Variants in DOCK3 observed in about 807,000 individuals in gnomAD.
DOCK3 encodes dedicator of cytokinesis 3.
In DOCK3, 60 loss-of-function variants were observed where a neutral mutation model predicts 265.6. The ratio of observed to expected loss-of-function variants is 0.23; its 90% confidence interval spans 0.18 to 0.28. DOCK3 has a LOEUF of 0.28. Ranked by LOEUF, DOCK3 falls within the 10% of genes least tolerant of loss-of-function variation. The probability of loss-of-function intolerance (pLI) is 1.00; values close to 1 mark genes in which losing one functional copy is unlikely to be tolerated. For synonymous variants in DOCK3, 881 were observed against 938.0 expected, an observed-to-expected ratio of 0.94 and a Z score of 1.11; for missense variants, 1,981 against 2,594.3, an observed-to-expected ratio of 0.76 and a Z score of 5.14.
At chr3:50,847,043 C>G (rs1474075599) in intron 3 of DOCK3, among the ~76,000 whole-genome samples, 1 of 151,642 alleles carries the variant, frequency 6.6e-6, no homozygotes, top group Non-Finnish European at 1.5e-5. Flanking sequence ...TTACTTTGTT[C>G]TTGTTTTTTC....
chr3:51,343,320 A>G (rs1279236123), intron 38 of DOCK3, among the ~76,000 whole-genome samples: 1 of 152,180 alleles, frequency 6.6e-6, no homozygotes, highest in Non-Finnish European at 1.5e-5. Context: ...GAGCTGCCCC[A>G]TAGGGACTGC....
chr3:51,040,490 T>G (rs1559976366), intron 5 of DOCK3, among the ~76,000 whole-genome samples: 2 of 152,174 alleles, frequency 1.3e-5, no homozygotes, highest in Admixed American at 6.5e-5. Context: ...TTTTCTCTAG[T>G]GGAGGGTCTT....
In DOCK3 at chr3:51,139,552, T is replaced by G. The variant is rs544327802; in HGVS notation, c.747-6997T>G. ...TGTCCACCTTTTTTCATTCAATATT[T>G]ATTGAGCACCTATTATAGGGTTGGG... On this transcript the variant is annotated intron_variant, in intron 9 of 52. Transcript: ENST00000266037. Among the ~76,000 whole-genome samples, 3 of 152,312 alleles carry G rather than the reference T, an allele frequency of 2.0e-5. No homozygotes were observed. The South Asian group carries it at 6.2e-4, about 32-fold the overall frequency.
intron 12 of DOCK3, among the ~76,000 whole-genome samples, chr3:51,198,632 A>C (rs1025739629): frequency 3.3e-5 from 5 of 151,194 alleles, no homozygotes; most frequent in Admixed American, 6.6e-5. Context: ...TGAGACTATG[A>C]CTAATACAAT....
chr3:50,960,330 G>A (rs2076852800), intron 5 of DOCK3, among the ~76,000 whole-genome samples: 1 of 151,982 alleles, frequency 6.6e-6, no homozygotes, highest in Non-Finnish European at 1.5e-5. Flanking sequence ...ATGTGTGAGG[G>A]ATCTATTTTT....
At chr3:50,972,841 A>G (rs941272735) in intron 5 of DOCK3, among the ~76,000 whole-genome samples, 1 of 148,904 alleles carries the variant, frequency 6.7e-6, no homozygotes, top group South Asian at 2.1e-4. Context: ...AAATCAGGTA[A>G]TGTGATGCCT....
chr3:51,257,373 T>C (rs985552619), intron 22 of DOCK3, among the ~76,000 whole-genome samples: 5 of 152,246 alleles, frequency 3.3e-5, no homozygotes, highest in Non-Finnish European at 7.3e-5. Context: ...TTAATACTTT[T>C]GATTCAATAT....
intron 3 of DOCK3, among the ~76,000 whole-genome samples, chr3:50,869,780 A>T (rs538283603): frequency 6.6e-6 from 1 of 152,004 alleles, no homozygotes; most frequent in Non-Finnish European, 1.5e-5. Context: ...TTCTTTATTG[A>T]TGTAGGTACT....
intron 3 of DOCK3, among the ~76,000 whole-genome samples, chr3:50,888,456 A>T (rs1055247951): frequency 6.6e-6 from 1 of 152,194 alleles, no homozygotes; most frequent in African/African-American, 2.4e-5. Context: ...TATAGATTCA[A>T]TGCCATCCTC....
intron 27 of DOCK3, among the ~76,000 whole-genome samples, chr3:51,302,628 C>G (rs1203427778): frequency 3.3e-5 from 5 of 152,026 alleles, no homozygotes; most frequent in Admixed American, 3.3e-4. Flanking sequence ...TGACAAATTC[C>G]CTCCTCATTT....
intron 12 of DOCK3, among the ~76,000 whole-genome samples, chr3:51,166,227 T>G (rs2086399813): frequency 6.6e-6 from 1 of 151,894 alleles, no homozygotes; most frequent in African/African-American, 2.4e-5. Context: ...ATATTTGTAT[T>G]TTTGGTAGAG....
At chr3:51,185,155 AG>A (rs2087520375) in intron 12 of DOCK3, among the ~76,000 whole-genome samples, 2 of 152,202 alleles carry the variant, frequency 1.3e-5, no homozygotes, top group Non-Finnish European at 2.9e-5. Context: ...AAAAGATACT[AG>A]GTTAAAACTA....
chr3:51,181,608 A>G (rs1469324675), intron 12 of DOCK3, among the ~76,000 whole-genome samples: 1 of 152,210 alleles, frequency 6.6e-6, no homozygotes, highest in African/African-American at 2.4e-5. Context: ...TAGCCTATTT[A>G]ATAACATATA....
chr3:50,913,118 G>T (rs1050178030), intron 4 of DOCK3, among the ~76,000 whole-genome samples: 1 of 152,094 alleles, frequency 6.6e-6, no homozygotes, highest in African/African-American at 2.4e-5. Context: ...TAGTACCTGG[G>T]TATCACTGGT....
At chr3:50,700,179 T>C (rs1301056900) in intron 1 of DOCK3, among the ~76,000 whole-genome samples, 1 of 152,178 alleles carries the variant, frequency 6.6e-6, no homozygotes, top group African/African-American at 2.4e-5. Context: ...CTTGGGAGGC[T>C]GAGGCAGGAG....
chr3:51,225,603 G>A (rs780655023), intron 14 of DOCK3, 46 bp from the exon 15 acceptor site: 1 of 1,578,946 alleles, frequency 6.3e-7, no homozygotes, highest in South Asian at 1.2e-5. Flanking sequence ...AAATGGGGCA[G>A]TATGGCTTCT....
chr3:51,022,249 T>G (rs1315358711), intron 5 of DOCK3, among the ~76,000 whole-genome samples: 1 of 152,232 alleles, frequency 6.6e-6, no homozygotes, highest in African/African-American at 2.4e-5. Context: ...ATGATTTATT[T>G]GTAGATTCTT....
At chr3:50,934,973 A>G (rs2051274234) in intron 5 of DOCK3, among the ~76,000 whole-genome samples, 1 of 152,186 alleles carries the variant, frequency 6.6e-6, no homozygotes, top group Non-Finnish European at 1.5e-5. Flanking sequence ...TCTGAAAGTC[A>G]GAAAAAAGAG....
intron 5 of DOCK3, among the ~76,000 whole-genome samples, chr3:51,062,696 T>A (rs1281410206): frequency 6.6e-6 from 1 of 152,244 alleles, no homozygotes; most frequent in Non-Finnish European, 1.5e-5. Context: ...CATTTGTTAA[T>A]TGGATGAATG....
Sources: allele counts gnomAD v4.1 joint callset (sites outside exome capture counted in the v4.1 genomes callset), GRCh38; gene constraint gnomAD v4.1.1; transcripts MANE v1.5; gene names NCBI Gene and HGNC (gene_info 2026-07-23, HGNC 2026-07-21).